The following AK8 variants were observed in gnomAD, a reference collection of about 807,000 sequenced individuals.
The protein encoded by AK8 is adenylate kinase 8, also known as ATP-AMP transphosphorylase 8.
A neutral mutation model predicts 54.6 loss-of-function variants in AK8; 44 were observed. The observed-to-expected ratio is 0.81, with a 90% CI of 0.63 to 1.04. The LOEUF (loss-of-function observed/expected upper bound fraction) is 1.04, where lower values mean the gene tolerates loss of function less well. Ranked by LOEUF, AK8 falls within the 50% of genes least tolerant of loss-of-function variation. AK8 has a pLI of 0.00. For missense variants in AK8, 555 were observed against 613.6 expected (o/e 0.90, Z 1.01); for synonymous variants, 239 against 245.6 (o/e 0.97, Z 0.25).
rs143806430 is a variant in AK8 at position 132,814,110 on chromosome 9, T to C, written c.979+528A>G. On this transcript the variant is annotated intron_variant, in intron 10 of 12. Coordinates refer to ENST00000298545, the MANE Select transcript of AK8 (RefSeq NM_152572.3). ...CTGGGCAACATGGAGAAATCCCATCTCTACAAAGAATACAAAAAATTAGCC... is the reference window on the plus strand; with the variant it reads ...CTGGGCAACATGGAGAAATCCCATCCCTACAAAGAATACAAAAAATTAGCC... 2.5e-4 allele frequency among the ~76,000 whole-genome samples: 38 copies of C among 151,624 alleles called. No individual in the cohort carries two copies. In the East Asian group the frequency reaches 5.2e-3, roughly 21 times the overall value.
intron 5 of AK8, among the ~76,000 whole-genome samples, chr9:132,838,925 C>T (rs1842429157): frequency 6.6e-6 from 1 of 152,132 alleles, no homozygotes; most frequent in Non-Finnish European, 1.5e-5. Context: ...GCTAGCTGAG[C>T]ATTCTGTGTA....
chr9:132,795,411 T>C (rs1270153825), intron 10 of AK8, among the ~76,000 whole-genome samples: 1 of 152,184 alleles, frequency 6.6e-6, no homozygotes, highest in Non-Finnish European at 1.5e-5. Context: ...GCTCTGAGAT[T>C]ACTGTGTGAA....
At chr9:132,872,547 C>T (rs1843895573) in intron 2 of AK8, among the ~76,000 whole-genome samples, 1 of 152,036 alleles carries the variant, frequency 6.6e-6, no homozygotes, top group South Asian at 2.1e-4. Flanking sequence ...GGCACCATGG[C>T]CTCTCACTCC....
intron 11 of AK8, among the ~76,000 whole-genome samples, chr9:132,739,278 C>A (rs910373980): frequency 6.6e-6 from 1 of 150,440 alleles, no homozygotes; most frequent in Non-Finnish European, 1.5e-5. Context: ...GGTGAGACCC[C>A]GTCTCTACTA....
intron 11 of AK8, among the ~76,000 whole-genome samples, chr9:132,732,808 A>T (rs1199489059): frequency 6.6e-6 from 1 of 151,940 alleles, no homozygotes; most frequent in African/African-American, 2.4e-5. Flanking sequence ...GAATATATAC[A>T]CCTCTTCTCT....
chr9:132,819,068 A>T lies in AK8; in HGVS notation c.889+4137T>A, dbSNP rs191780881. On this transcript the variant is annotated intron_variant, in intron 9 of 12. Coordinates refer to ENST00000298545, the MANE Select transcript of AK8 (RefSeq NM_152572.3). ...AACATTTCCTAGCAATAAAAGGGTC[A>T]TTTCACCAATAACATATAACTATCC... Among the ~76,000 whole-genome samples, 72 of 152,340 alleles carry T rather than the reference A, an allele frequency of 4.7e-4. 1 individual carries two copies. The highest frequency in any genetic ancestry group is 3.7e-3 in the Admixed American group (56 of 15,302).
At chr9:132,738,697 C>T (rs1330606313) in intron 11 of AK8, among the ~76,000 whole-genome samples, 1 of 151,250 alleles carries the variant, frequency 6.6e-6, no homozygotes, top group African/African-American at 2.4e-5. Context: ...CCAGGAGATA[C>T]ACTTGGTCAT....
intron 8 of AK8, among the ~76,000 whole-genome samples, chr9:132,824,495 T>C (rs749587277): frequency 2.6e-5 from 4 of 152,194 alleles, no homozygotes; most frequent in Non-Finnish European, 5.9e-5. Context: ...TCCTCAGCAC[T>C]ACTGACATCT....
chr9:132,765,089 T>C (rs1338052012), intron 11 of AK8, among the ~76,000 whole-genome samples: 1 of 151,964 alleles, frequency 6.6e-6, no homozygotes, highest in Non-Finnish European at 1.5e-5. Context: ...GTTCAGGAGT[T>C]TGAGACCAGC....
chr9:132,810,326 T>C (rs190936574), intron 10 of AK8, among the ~76,000 whole-genome samples: 12 of 152,160 alleles, frequency 7.9e-5, no homozygotes, highest in Non-Finnish European at 1.3e-4. Flanking sequence ...GCTAACTTTA[T>C]AGAAAATTGG....
At chr9:132,876,260 G>A (rs915028052) in intron 1 of AK8, among the ~76,000 whole-genome samples, 1 of 152,154 alleles carries the variant, frequency 6.6e-6, no homozygotes. Context: ...TCACTGGTGC[G>A]ATGATGGAAT....
At chr9:132,812,866 A>C (rs71147) in intron 10 of AK8, among the ~76,000 whole-genome samples, 10 of 79,034 alleles carry the variant, frequency 1.3e-4, no homozygotes, top group East Asian at 5.1e-4. Flanking sequence ...GACCAGACCC[A>C]CTCACTGCCC....
chr9:132,729,221 G>C (rs4962076), intron 11 of AK8, among the ~76,000 whole-genome samples: 114,242 of 152,160 alleles, frequency 0.75, 43,546 homozygotes, highest in East Asian at 0.85. Context: ...TCCACCAGGG[G>C]TGATTTTGTT....
intron 10 of AK8, among the ~76,000 whole-genome samples, chr9:132,796,641 T>C (rs989606625): frequency 1.3e-5 from 2 of 152,146 alleles, no homozygotes; most frequent in African/African-American, 4.8e-5. Flanking sequence ...AAAGTTAATA[T>C]AGACAGGTCG....
At chr9:132,878,434 C>G (rs1359877763), upstream of AK8, 1 of 1,230,928 alleles carries the variant, frequency 8.1e-7, no homozygotes, top group Non-Finnish European at 1.0e-6. This position sits in a 1 kb window ranked among gnomAD's most constrained non-coding sequence, Gnocchi z 4.7. Flanking sequence ...CTCTGCGGCT[C>G]GGGCAAGTTC....
chr9:132,824,861 C>G (rs1234739627), intron 8 of AK8, among the ~76,000 whole-genome samples: 1 of 152,166 alleles, frequency 6.6e-6, no homozygotes, highest in Non-Finnish European at 1.5e-5. Flanking sequence ...GTACTAATTG[C>G]TACGACAAAT....
intron 12 of AK8, among the ~76,000 whole-genome samples, chr9:132,726,894 C>G (rs1431401317): frequency 8.3e-6 from 1 of 119,924 alleles, no homozygotes; most frequent in East Asian, 3.0e-4. Context: ...CCACCCCACT[C>G]CTGCGTCCCT....
chr9:132,769,449 C>T (rs563244187), intron 11 of AK8: 4 of 152,348 alleles, frequency 2.6e-5, no homozygotes, highest in African/African-American at 9.6e-5. Context: ...CGGGAGGGAC[C>T]TTAGACTGTG....
intron 5 of AK8, among the ~76,000 whole-genome samples, chr9:132,853,075 G>T (rs1009525426): frequency 1.3e-5 from 2 of 151,902 alleles, no homozygotes; most frequent in African/African-American, 4.8e-5. Context: ...CCTAAAAATA[G>T]GCCGGGCACG....
Sources: gnomAD v4.1 joint callset for allele counts (sites outside exome capture counted in the v4.1 genomes callset) on GRCh38, gnomAD v4.1.1 for gene constraint, Gnocchi (gnomAD v3.1) non-coding constraint, MANE v1.5 for transcripts, NCBI Gene and HGNC (gene_info 2026-07-23, HGNC 2026-07-21) for gene names.